The following ZNF234 variants were observed in gnomAD, a reference collection of about 807,000 sequenced individuals.
ZNF234 encodes the protein zinc finger protein 234.
Under a neutral mutation model 10.3 loss-of-function variants are expected in ZNF234, and 4 were observed. That is an observed-to-expected ratio of 0.39 (90% CI 0.19 to 0.89). The LOEUF is 0.89. Among genes scored for constraint, ZNF234 ranks in the 40% least tolerant of loss-of-function variants. The probability of loss-of-function intolerance (pLI) is 0.38; values close to 1 mark genes in which losing one functional copy is unlikely to be tolerated. For missense variants in ZNF234, 711 were observed against 836.1 expected (o/e 0.85, Z 1.85); for synonymous variants, 258 against 280.1 (o/e 0.92, Z 0.79).
At chr19:44,151,448 C>T (rs909430200) in intron 5 of ZNF234, among the ~76,000 whole-genome samples, 7 of 152,196 alleles carry the variant, frequency 4.6e-5, no homozygotes, top group Admixed American at 3.3e-4. Flanking sequence ...CCGCCTGCCT[C>T]AGCCTCCCAA....
At position 44,156,242 on chromosome 19, in the gene ZNF234, G is replaced by C. The variant is rs373881235; in HGVS notation, c.236-10G>C. 13 of 1,531,158 alleles carry C rather than the reference G, an allele frequency of 8.5e-6. No homozygotes were observed. Among genetic ancestry groups the C allele is most frequent in the Admixed American group, 4.5e-5 (2 of 44,578 alleles). 94.8% of individuals were successfully genotyped at this position (1,531,158 alleles called of 1,614,324 possible). ...GAGCCTCCACATCTCTGAATTCTCT[G>C]TCCTTACAGCAGACAAGATCCAAAG... On this transcript the variant is annotated splice_polypyrimidine_tract_variant and intron_variant, in intron 5 of 5. Coordinates refer to ENST00000426739, the MANE Select transcript of ZNF234 (RefSeq NM_006630.3).
chr19:44,152,515 G>A (rs1171991744), intron 5 of ZNF234, among the ~76,000 whole-genome samples: 2 of 152,164 alleles, frequency 1.3e-5, no homozygotes, highest in Non-Finnish European at 2.9e-5. Flanking sequence ...GTGAATGTTT[G>A]TGTGTGCACT....
chr19:44,144,608 C>G lies in ZNF234; in HGVS notation c.-25C>G. 6.4e-7 allele frequency: 1 copy of G among 1,566,086 alleles called. No individual in the cohort carries two copies. The highest frequency in any genetic ancestry group is 1.8e-5 in the Admixed American group (1 of 56,480). Reference sequence around the variant, plus strand: ...TCAAATGGCATAACTCAGGACTCTGCAAATTCCCAGAAACAGGAGGAAAAA... The same window carrying G: ...TCAAATGGCATAACTCAGGACTCTGGAAATTCCCAGAAACAGGAGGAAAAA... On this transcript the variant is annotated 5_prime_UTR_variant, in exon 3 of 6. Transcript: ENST00000426739.
chr19:44,155,342 C>T (rs1183978513), intron 5 of ZNF234, among the ~76,000 whole-genome samples: 1 of 152,196 alleles, frequency 6.6e-6, no homozygotes, highest in African/African-American at 2.4e-5. Context: ...TTTGACTCCC[C>T]TCTAAAACTT....
chr19:44,154,027 A>G (rs1968811330), intron 5 of ZNF234, among the ~76,000 whole-genome samples: 1 of 152,258 alleles, frequency 6.6e-6, no homozygotes, highest in Admixed American at 6.5e-5. Context: ...AGTGGTTAAA[A>G]GTGCTGTGAA....
chr19:44,147,376 A>G (rs1968624852), intron 3 of ZNF234, among the ~76,000 whole-genome samples: 1 of 151,952 alleles, frequency 6.6e-6, no homozygotes, highest in African/African-American at 2.4e-5. Context: ...ACCTGGGACC[A>G]CAGGCACACG....
intron 4 of ZNF234, among the ~76,000 whole-genome samples, 152 bp from the exon 5 acceptor site, chr19:44,150,261 A>G (rs1192441001): frequency 6.6e-6 from 1 of 152,218 alleles, no homozygotes; most frequent in Non-Finnish European, 1.5e-5. Flanking sequence ...GGATCTTGAA[A>G]TACTGATATT....
intron 5 of ZNF234, among the ~76,000 whole-genome samples, chr19:44,153,618 G>A (rs2122138064): frequency 6.6e-6 from 1 of 152,216 alleles, no homozygotes; most frequent in Admixed American, 6.5e-5. Flanking sequence ...CCAGTGTATA[G>A]GGCTTCCTGC....
chr19:44,148,688 C>A (rs757178398), intron 3 of ZNF234, 83 bp from the exon 4 acceptor site: 11 of 1,590,694 alleles, frequency 6.9e-6, no homozygotes, highest in Non-Finnish European at 7.7e-6. Context: ...CCAGCTCCCC[C>A]TACATACTCT....
chr19:44,153,416 A>T (rs1467497487), intron 5 of ZNF234, among the ~76,000 whole-genome samples: 1 of 152,142 alleles, frequency 6.6e-6, no homozygotes, highest in African/African-American at 2.4e-5. Flanking sequence ...TTATAGCTTT[A>T]GTAAGCATTT....
intron 4 of ZNF234, 137 bp from the exon 5 acceptor site, chr19:44,150,276 C>T: frequency 1.8e-6 from 1 of 545,210 alleles, no homozygotes; most frequent in Non-Finnish European, 3.1e-6. Flanking sequence ...GATATTTCTT[C>T]ATTAGGTTCT....
intron 4 of ZNF234, chr19:44,150,037 T>C (rs1968698418): frequency 6.4e-6 from 1 of 155,512 alleles, no homozygotes. Context: ...GCCGTGGGCA[T>C]GTCTCCAGGC....
Position 44,158,960 on chromosome 19 carries a change from C to T in ZNF234, c.*841C>T, listed in dbSNP as rs953672635. On this transcript the variant is annotated 3_prime_UTR_variant, in exon 6 of 6. Coordinates refer to ENST00000426739, the MANE Select transcript of ZNF234 (RefSeq NM_006630.3). ...AATGCACAATATTTGAACATTGTAT[C>T]CAAAGGAAGAAACCTGCGAAATAAA... is the stretch of plus-strand genomic sequence containing the variant. The T allele has an allele frequency of 2.6e-5, 4 of 152,044 alleles. No homozygotes were observed. Among genetic ancestry groups the T allele is most frequent in the Admixed American group, 1.3e-4 (2 of 15,274 alleles). 9.4% of individuals were successfully genotyped at this position (152,044 alleles called of 1,614,324 possible).
intron 2 of ZNF234, among the ~76,000 whole-genome samples, chr19:44,143,375 C>T (rs1350034544): frequency 3.9e-5 from 6 of 151,954 alleles, no homozygotes; most frequent in Non-Finnish European, 7.4e-5. Flanking sequence ...TTTGGGAGGC[C>T]GAGGCGGGCG....
intron 3 of ZNF234, among the ~76,000 whole-genome samples, chr19:44,147,063 C>T (rs994840237): frequency 1.1e-4 from 17 of 151,926 alleles, no homozygotes; most frequent in African/African-American, 4.1e-4. Flanking sequence ...ATCCACCTGC[C>T]TCGGCCTCCC....
chr19:44,157,238 A>G lies in ZNF234; in HGVS notation c.1222A>G (p.Ser408Gly), dbSNP rs768526277. Residue 408 changes from serine (S) to glycine (G), a missense_variant, in exon 6 of 6, where the codon AGC (serine) becomes GGC (glycine). Ser to Gly is a moderately conservative substitution (Grantham distance 56, BLOSUM62 0). Coordinates refer to ENST00000426739, the MANE Select transcript of ZNF234 (RefSeq NM_006630.3). ...ATACAAATGCAATGAGTGTGGGAAG[A>G]GCTTCAGAATGAAAATTCATTATCA... ...KPYKCNECGK[S>G]FRMKIHYQVH... 6.2e-7 allele frequency: 1 copy of G among 1,613,896 alleles called. No individual in the cohort carries two copies. Among genetic ancestry groups the G allele is most frequent in the Non-Finnish European group, 8.5e-7 (1 of 1,179,926 alleles).
rs1968999393 is a variant in ZNF234, at chr19:44,160,291, T to C, written c.*2172T>C. The C allele has an allele frequency of 6.6e-6, 1 of 152,184 alleles. No homozygotes were observed. Among genetic ancestry groups the C allele is most frequent in the South Asian group, 2.1e-4 (1 of 4,836 alleles). 9.4% of individuals were successfully genotyped at this position (152,184 alleles called of 1,614,324 possible). A position where few individuals can be genotyped will look rare whatever the true frequency, so the allele number is the denominator to read the frequency against. ...GGAATTTATGATTATGAGATTAAAA[T>C]ACCAAAAAGACTAAGTAACATATCA... On this transcript the variant is annotated 3_prime_UTR_variant, in exon 6 of 6. Coordinates refer to ENST00000426739, the MANE Select transcript of ZNF234 (RefSeq NM_006630.3).
chr19:44,156,848 C>T lies in ZNF234; in HGVS notation c.832C>T (p.His278Tyr). The T allele has an allele frequency of 6.2e-7, 1 of 1,609,958 alleles. No homozygotes were observed. Among genetic ancestry groups the T allele is most frequent in the Non-Finnish European group, 8.5e-7 (1 of 1,176,888 alleles). The change falls in exon 6 of 6, where the codon CAT (histidine) becomes TAT (tyrosine). Residue 278 changes from histidine (H) to tyrosine (Y), a missense_variant. Transcript: ENST00000426739. ...CATACATGCTTCCCATCTTCAGGAA[C>T]ATCAGAGAATTCATACTGGGGAGAA... The part of the protein sequence containing the change: ...AFIHASHLQE[H>Y]QRIHTGEKPF...
rs532121955 is a variant in ZNF234, at chr19:44,153,239, C to T, written c.235+2734C>T. Among the ~76,000 whole-genome samples, 4 of 143,592 alleles carry T rather than the reference C, an allele frequency of 2.8e-5. No individual in the cohort carries two copies. The East Asian group carries it at 6.3e-4, about 23-fold the overall frequency. 94.2% of individuals were successfully genotyped at this position (143,592 alleles called of 152,430 possible). ...CTATGAATATTTTCCCAAGGTGTCACGGTTGGAAATTGTCTTTCCATTTGA... is the reference window on the plus strand; with the variant it reads ...CTATGAATATTTTCCCAAGGTGTCATGGTTGGAAATTGTCTTTCCATTTGA... On this transcript the variant is annotated intron_variant, in intron 5 of 5. Transcript: ENST00000426739.
Sources: gnomAD v4.1 joint callset for allele counts (sites outside exome capture counted in the v4.1 genomes callset) on GRCh38, gnomAD v4.1.1 for gene constraint, MANE v1.5 for transcripts, NCBI Gene and HGNC (gene_info 2026-07-23, HGNC 2026-07-21) for gene names.